The following SLX4IP variants were observed in gnomAD, a reference collection of about 807,000 sequenced individuals.
SLX4IP encodes the protein SLX4 interacting protein, also known as protein SLX4IP.
A neutral mutation model predicts 32.9 loss-of-function variants in SLX4IP; 34 were observed. The observed-to-expected ratio is 1.03, with a 90% confidence interval of 0.79 to 1.38. The LOEUF is 1.38. Ranked by LOEUF, SLX4IP falls within the 40% of genes most tolerant of loss-of-function variation. The pLI is 0.00. For missense variants in SLX4IP, 444 were observed against 479.0 expected, an observed-to-expected ratio of 0.93 and a Z score of 0.68; for synonymous variants, 172 against 171.7, an observed-to-expected ratio of 1.00 and a Z score of -0.01.
intron 2 of SLX4IP, among the ~76,000 whole-genome samples, chr20:10,494,499 T>G (rs2065651138): frequency 6.6e-6 from 1 of 151,876 alleles, no homozygotes; most frequent in African/African-American, 2.4e-5. Context: ...TTAGATATAT[T>G]GACATAGAAT....
At chr20:10,436,033 G>T (rs1018574521) in intron 1 of SLX4IP, among the ~76,000 whole-genome samples, 1 of 130,404 alleles carries the variant, frequency 7.7e-6, no homozygotes, top group Non-Finnish European at 1.8e-5. Context: ...TCCTTCCCCT[G>T]AACTATTTTT....
intron 2 of SLX4IP, among the ~76,000 whole-genome samples, chr20:10,506,219 T>C (rs934220624): frequency 2.0e-5 from 3 of 152,250 alleles, no homozygotes; most frequent in African/African-American, 7.2e-5. Context: ...GAGTCTGTAG[T>C]TGACTTCCAA....
At chr20:10,564,967 G>C (rs1308554059) in intron 4 of SLX4IP, among the ~76,000 whole-genome samples, 1 of 152,100 alleles carries the variant, frequency 6.6e-6, no homozygotes, top group Admixed American at 6.5e-5. Flanking sequence ...TTATTTATCT[G>C]TGTGTTTTTA....
chr20:10,521,587 A>G, intron 2 of SLX4IP, among the ~76,000 whole-genome samples: 1 of 152,188 alleles, frequency 6.6e-6, no homozygotes, highest in East Asian at 1.9e-4. Flanking sequence ...AATTAAATTC[A>G]ATTAAAATGC....
intron 2 of SLX4IP, among the ~76,000 whole-genome samples, chr20:10,496,355 C>G (rs2065667506): frequency 6.6e-6 from 1 of 152,114 alleles, no homozygotes; most frequent in Non-Finnish European, 1.5e-5. Context: ...CTGCTTAATT[C>G]ATCATACACA....
chr20:10,576,896 G>A (rs2066529586), intron 4 of SLX4IP, among the ~76,000 whole-genome samples: 1 of 152,194 alleles, frequency 6.6e-6, no homozygotes, highest in Admixed American at 6.5e-5. Context: ...ACCTGGAAGT[G>A]TAGTGTTTTG....
At chr20:10,584,419 T>TA (rs1377572014) in intron 4 of SLX4IP, among the ~76,000 whole-genome samples, 4 of 152,214 alleles carry the variant, frequency 2.6e-5, no homozygotes, top group Non-Finnish European at 4.4e-5. Flanking sequence ...TGACAGAACT[T>TA]ACATTTTGTT....
intron 1 of SLX4IP, among the ~76,000 whole-genome samples, chr20:10,449,339 C>G (rs992505309): frequency 1.3e-5 from 2 of 152,106 alleles, no homozygotes; most frequent in Non-Finnish European, 2.9e-5. Flanking sequence ...GAGTTTCTTT[C>G]TTTCTTTGAT....
At chr20:10,444,064 G>A (rs948532965) in intron 1 of SLX4IP, among the ~76,000 whole-genome samples, 1 of 152,136 alleles carries the variant, frequency 6.6e-6, no homozygotes, top group Non-Finnish European at 1.5e-5. Flanking sequence ...TACAAGCATT[G>A]ACAAAAGGGC....
intron 4 of SLX4IP, among the ~76,000 whole-genome samples, chr20:10,568,848 G>A (rs1291312949): frequency 1.3e-5 from 2 of 152,214 alleles, no homozygotes; most frequent in Admixed American, 6.5e-5. Flanking sequence ...GTCATGCTGT[G>A]CCCTTCGTGA....
intron 1 of SLX4IP, among the ~76,000 whole-genome samples, chr20:10,452,795 G>A (rs1172354812): frequency 2.0e-5 from 3 of 151,338 alleles, no homozygotes; most frequent in Admixed American, 1.3e-4. Context: ...AGGTTGCTGT[G>A]AGCCTAGATT....
intron 2 of SLX4IP, among the ~76,000 whole-genome samples, chr20:10,547,332 G>A (rs2066172495): frequency 6.6e-6 from 1 of 152,022 alleles, no homozygotes; most frequent in Non-Finnish European, 1.5e-5. Context: ...TAATAAATCT[G>A]TTGTGGAAAA....
At chr20:10,565,415 T>C (rs1461949959) in intron 4 of SLX4IP, among the ~76,000 whole-genome samples, 6 of 152,306 alleles carry the variant, frequency 3.9e-5, no homozygotes, top group African/African-American at 9.6e-5. Flanking sequence ...ACATGCTCCC[T>C]GTGATGCTTA....
intron 2 of SLX4IP, among the ~76,000 whole-genome samples, chr20:10,500,839 T>C (rs145926067): frequency 1.3e-5 from 2 of 152,228 alleles, no homozygotes; most frequent in Admixed American, 6.5e-5. Flanking sequence ...TCTCAGGTAC[T>C]CATTTCAGGA....
intron 4 of SLX4IP, among the ~76,000 whole-genome samples, chr20:10,564,231 A>G (rs1047155575): frequency 1.3e-5 from 2 of 152,164 alleles, no homozygotes; most frequent in African/African-American, 4.8e-5. Flanking sequence ...ATCTCTCTAT[A>G]CATTTATCTA....
intron 4 of SLX4IP, among the ~76,000 whole-genome samples, chr20:10,580,614 G>A (rs925614312): frequency 6.7e-6 from 1 of 149,632 alleles, no homozygotes; most frequent in African/African-American, 2.5e-5. Context: ...CCTCAGTTGA[G>A]TCCCTCAGGA....
At chr20:10,515,079 CTTTTTTTTT>C in intron 2 of SLX4IP, among the ~76,000 whole-genome samples, 1 of 82,922 alleles carries the variant, frequency 1.2e-5, no homozygotes, top group South Asian at 5.3e-4. Flanking sequence ...TAAGTTGAAG[CTTTTTTTTT>C]TTTTTTTTTT....
chr20:10,591,969 A>G (rs2122538394), intron 4 of SLX4IP, among the ~76,000 whole-genome samples: 1 of 152,370 alleles, frequency 6.6e-6, no homozygotes, highest in African/African-American at 2.4e-5. Context: ...TACAAAGTCA[A>G]AAGGGTGACA....
chr20:10,473,582 C>T (rs2065445224), intron 2 of SLX4IP, among the ~76,000 whole-genome samples: 1 of 145,710 alleles, frequency 6.9e-6, no homozygotes, highest in Non-Finnish European at 1.5e-5. Flanking sequence ...TGCAATTCTT[C>T]TTAAAACTGC....
Sources: allele counts gnomAD v4.1 joint callset (sites outside exome capture counted in the v4.1 genomes callset), GRCh38; gene constraint gnomAD v4.1.1; transcripts MANE v1.5; gene names NCBI Gene and HGNC (gene_info 2026-07-23, HGNC 2026-07-21).